BIVM: variants seen among roughly 807,000 people sequenced by gnomAD.
BIVM encodes basic, immunoglobulin-like variable motif containing.
A neutral mutation model predicts 61.4 loss-of-function variants in BIVM; 31 were observed. That is an observed-to-expected ratio of 0.51 (90% CI 0.38 to 0.68). BIVM has a LOEUF of 0.68. BIVM is among the 30% of genes least tolerant of loss of function. The pLI, the probability that BIVM is intolerant of heterozygous loss-of-function variation, is 0.00. For synonymous variants in BIVM, 189 were observed against 210.7 expected, an observed-to-expected ratio of 0.90 and a Z score of 0.89; for missense variants, 526 against 596.0, an observed-to-expected ratio of 0.88 and a Z score of 1.22.
intron 4 of BIVM, among the ~76,000 whole-genome samples, chr13:102,819,648 T>A (rs539485298): frequency 2.0e-5 from 3 of 151,966 alleles, no homozygotes; most frequent in African/African-American, 4.8e-5. Context: ...AAATAGCTAA[T>A]GCACACAGAG....
chr13:102,825,185 TC>T (rs1198266508), intron 7 of BIVM, among the ~76,000 whole-genome samples: 1 of 152,184 alleles, frequency 6.6e-6, no homozygotes, highest in African/African-American at 2.4e-5. Flanking sequence ...GACCTTGTGA[TC>T]CGCCCGCCTC....
At chr13:102,801,675 C>T (rs188975663) in intron 1 of BIVM, 4 of 152,170 alleles carry the variant, frequency 2.6e-5, no homozygotes, top group South Asian at 2.1e-4. Flanking sequence ...TTGAATGAGA[C>T]GTCTACAAAT....
chr13:102,810,583 T>C (rs527940657), intron 3 of BIVM, among the ~76,000 whole-genome samples: 13 of 152,388 alleles, frequency 8.5e-5, no homozygotes, highest in Admixed American at 6.5e-4. Flanking sequence ...CACACTTAAC[T>C]TTCAGTTATT....
Position 102,809,197 on chromosome 13 carries a change from A to G in BIVM, c.478+1452A>G, listed in dbSNP as rs564297926. Among the ~76,000 whole-genome samples the G allele has an allele frequency of 1.5e-4, 23 of 152,248 alleles. No homozygotes were observed. In the East Asian group the frequency reaches 4.4e-3, roughly 29 times the overall value. On this transcript the variant is annotated intron_variant, in intron 3 of 10. Coordinates refer to ENST00000257336, the MANE Select transcript of BIVM (RefSeq NM_017693.4). The stretch of plus-strand genomic sequence containing the variant: ...AGTACTGCTTTAGCTGCAGCTCACA[A>G]ATTTTGATATGCTTATTATTATTAC...
chr13:102,821,098 T>C lies in BIVM; in HGVS notation c.667T>C (p.Trp223Arg). 6.2e-7 allele frequency: 1 copy of C among 1,613,656 alleles called. No homozygotes were observed. The highest frequency in any genetic ancestry group is 8.5e-7 in the Non-Finnish European group (1 of 1,179,890). Reference protein sequence around the residue: ...SCGISSLISCWNFLYSTMGAG... With the variant: ...SCGISSLISCRNFLYSTMGAG... The stretch of plus-strand genomic sequence containing the variant: ...TGGCATCTCTTCATTAATTTCTTGT[T>C]GGAATTTCTTATACAGCACAATGGG... Residue 223 changes from tryptophan (W) to arginine (R), a missense_variant, in exon 5 of 11, where the codon TGG becomes CGG. This residue lies in a region of BIVM where 312 missense variants were observed against 343.8 expected (regional missense o/e 0.91). Transcript: ENST00000257336.
chr13:102,811,803 G>T (rs1048351346), intron 3 of BIVM, among the ~76,000 whole-genome samples: 1 of 152,224 alleles, frequency 6.6e-6, no homozygotes, highest in Non-Finnish European at 1.5e-5. Flanking sequence ...GATTACAGGC[G>T]TGAGCCACCG....
At chr13:102,812,421 A>AT (rs1300338650) in intron 3 of BIVM, among the ~76,000 whole-genome samples, 2 of 151,764 alleles carry the variant, frequency 1.3e-5, no homozygotes, top group South Asian at 2.1e-4. Context: ...GTTTCTTGTG[A>AT]TTTTTTGTTG....
rs1271126735 is a variant in BIVM, at chr13:102,821,060, A to G, written c.629A>G (p.Tyr210Cys). 23 of 1,613,496 alleles carry G rather than the reference A, an allele frequency of 1.4e-5. No individual in the cohort carries two copies. The highest frequency in any genetic ancestry group is 1.9e-5 in the Non-Finnish European group (22 of 1,179,866). ...RRWYCISRPQYKTSCGISSLI... is the reference protein window; with the variant it reads ...RRWYCISRPQCKTSCGISSLI... The stretch of plus-strand genomic sequence containing the variant: ...AGGTACTGCATAAGCCGACCACAGT[A>G]TAAGACTTCTTGTGGCATCTCTTCA... Residue 210 changes from tyrosine to cysteine, a missense_variant, in exon 5 of 11, where the codon TAT becomes TGT. Transcript: ENST00000257336.
chr13:102,811,900 T>C (rs945776538), intron 3 of BIVM, among the ~76,000 whole-genome samples: 1 of 152,246 alleles, frequency 6.6e-6, no homozygotes, highest in Non-Finnish European at 1.5e-5. Flanking sequence ...GTTTCTTGGA[T>C]GTTTATATTC....
intron 3 of BIVM, among the ~76,000 whole-genome samples, chr13:102,815,998 T>A (rs1164911093): frequency 3.3e-5 from 5 of 152,314 alleles, no homozygotes; most frequent in African/African-American, 1.2e-4. Context: ...TAATTTGGTT[T>A]TATTGTTTTA....
chr13:102,807,234 G>C lies in BIVM; in HGVS notation c.-34G>C. 1 of 1,547,038 alleles carries C rather than the reference G, an allele frequency of 6.5e-7. No homozygotes were observed. Among genetic ancestry groups the C allele is most frequent in the Non-Finnish European group, 8.7e-7 (1 of 1,147,846 alleles). Reference sequence around the variant, plus strand: ...CAAGAAACAGATAGAGTTGCAACTTGTTTCTAGTAATAGAAACTTTTACAC... The same window carrying C: ...CAAGAAACAGATAGAGTTGCAACTTCTTTCTAGTAATAGAAACTTTTACAC... On this transcript the variant is annotated 5_prime_UTR_variant, in exon 3 of 11. Transcript: ENST00000257336. This position sits in a 1 kb window ranked among gnomAD's most constrained non-coding sequence, Gnocchi z 4.0.
chr13:102,832,404 G>A (rs1331885678), intron 8 of BIVM, among the ~76,000 whole-genome samples: 3 of 152,086 alleles, frequency 2.0e-5, no homozygotes, highest in African/African-American at 7.2e-5. Context: ...GTCTTGCTAT[G>A]TTGTGCAGGC....
intron 3 of BIVM, among the ~76,000 whole-genome samples, chr13:102,809,943 GC>G (rs1309320321): frequency 6.6e-6 from 1 of 151,958 alleles, no homozygotes; most frequent in Non-Finnish European, 1.5e-5. Context: ...CTGTCACCGT[GC>G]CCGGCTACTT....
Position 102,807,608 on chromosome 13 carries a change from C to T in BIVM, c.341C>T (p.Thr114Ile). The change falls in exon 3 of 11, where the codon ACT (threonine) becomes ATT (isoleucine). Residue 114 changes from threonine (T) to isoleucine (I), a missense_variant. By Grantham distance (89) the Thr-to-Ile change is moderately conservative. Transcript: ENST00000257336. This position sits in a 1 kb window ranked among gnomAD's most constrained non-coding sequence, Gnocchi z 4.0. ...TCATCAAGATACATTGGTATCCCGA[C>T]TAGTACATCGGAAATTATCTACAAT... ...NNSSRYIGIP[T>I]STSEIIYNEE... 1 of 1,614,174 alleles carries T rather than the reference C, an allele frequency of 6.2e-7. No homozygotes were observed. The highest frequency in any genetic ancestry group is 1.6e-4 in the Middle Eastern group (1 of 6,062).
intron 5 of BIVM, 99 bp from the exon 6 acceptor site, chr13:102,821,644 A>G: frequency 2.1e-6 from 2 of 964,762 alleles, no homozygotes; most frequent in Non-Finnish European, 2.9e-6. Context: ...TATTACTAAT[A>G]TTATTTGCAA....
intron 1 of BIVM, among the ~76,000 whole-genome samples, chr13:102,803,676 C>A (rs904500327): frequency 6.6e-6 from 1 of 151,904 alleles, no homozygotes; most frequent in African/African-American, 2.4e-5. Context: ...ACTCTAATAA[C>A]CTTTGTCTAT....
intron 7 of BIVM, among the ~76,000 whole-genome samples, chr13:102,824,702 A>G (rs1880538955): frequency 6.6e-6 from 1 of 152,176 alleles, no homozygotes; most frequent in African/African-American, 2.4e-5. Context: ...AAATTTGAAT[A>G]TCACATAATT....
At chr13:102,827,792 A>G (rs1273695761) in intron 7 of BIVM, among the ~76,000 whole-genome samples, 1 of 152,142 alleles carries the variant, frequency 6.6e-6, no homozygotes, top group Non-Finnish European at 1.5e-5. Flanking sequence ...TGCCCACGAC[A>G]TTACACGTTA....
chr13:102,816,423 T>A lies in BIVM; in HGVS notation c.479-5T>A. 1 of 1,573,544 alleles carries A rather than the reference T, an allele frequency of 6.4e-7. No homozygotes were observed. The highest frequency in any genetic ancestry group is 1.2e-5 in the South Asian group (1 of 83,346). On this transcript the variant is annotated splice_polypyrimidine_tract_variant and splice_region_variant and intron_variant, in intron 3 of 10. Coordinates refer to ENST00000257336, the MANE Select transcript of BIVM (RefSeq NM_017693.4). Reference sequence around the variant, plus strand: ...TTTTGCTTATTTTATACTCTTGTATTCTAGGCAATGCAAAGAAACAAGTTT... The same window carrying A: ...TTTTGCTTATTTTATACTCTTGTATACTAGGCAATGCAAAGAAACAAGTTT...
Sources: gnomAD v4.1 joint callset for allele counts (sites outside exome capture counted in the v4.1 genomes callset) on GRCh38, gnomAD v4.1.1 for gene constraint, gnomAD v4.1.1 regional missense constraint, Gnocchi (gnomAD v3.1) non-coding constraint, MANE v1.5 for transcripts, NCBI Gene and HGNC (gene_info 2026-07-23, HGNC 2026-07-21) for gene names.